Variants in AGBL1 observed in about 807,000 individuals in gnomAD.
AGBL1 encodes the protein AGBL carboxypeptidase 1, also known as cytosolic carboxypeptidase 4.
A neutral mutation model predicts 118.9 loss-of-function variants in AGBL1; 130 were observed. That is an observed-to-expected ratio of 1.09 (90% confidence interval 0.95 to 1.26). AGBL1 has a LOEUF of 1.26. AGBL1 is among the 50% of genes most tolerant of loss of function. The pLI, the probability that AGBL1 is intolerant of heterozygous loss-of-function variation, is 0.00. For missense variants in AGBL1, 1,584 were observed against 1,298.1 expected, an observed-to-expected ratio of 1.22 and a Z score of -3.38; for synonymous variants, 555 against 478.9, an observed-to-expected ratio of 1.16 and a Z score of -2.08.
intron 18 of AGBL1, among the ~76,000 whole-genome samples, chr15:86,480,922 C>T (rs1048813359): frequency 1.3e-4 from 19 of 151,962 alleles, no homozygotes; most frequent in African/African-American, 4.6e-4. Context: ...GATCATCATG[C>T]TAAGAACTTG....
intron 5 of AGBL1, among the ~76,000 whole-genome samples, chr15:86,213,832 A>G (rs561331564): frequency 2.6e-5 from 4 of 152,172 alleles, no homozygotes; most frequent in South Asian, 2.1e-4. Context: ...TACTCACAAT[A>G]TTGTAGAACT....
intron 18 of AGBL1, among the ~76,000 whole-genome samples, chr15:86,447,867 G>T (rs762303206): frequency 6.6e-6 from 1 of 152,204 alleles, no homozygotes; most frequent in African/African-American, 2.4e-5. Context: ...AAACAGGGCC[G>T]GGTGCAGTGG....
At chr15:86,416,020 C>T (rs2081689273) in intron 18 of AGBL1, among the ~76,000 whole-genome samples, 1 of 152,198 alleles carries the variant, frequency 6.6e-6, no homozygotes, top group Admixed American at 6.5e-5. Flanking sequence ...GAGGCTATTA[C>T]TGCATTTTCT....
intron 5 of AGBL1, among the ~76,000 whole-genome samples, chr15:86,191,161 G>A (rs1014875311): frequency 2.7e-5 from 4 of 146,676 alleles, no homozygotes; most frequent in Non-Finnish European, 6.1e-5. Flanking sequence ...CTGGCAACAT[G>A]GTGAAACCCC....
intron 17 of AGBL1, among the ~76,000 whole-genome samples, chr15:86,343,566 A>G (rs1214519603): frequency 6.6e-6 from 1 of 152,208 alleles, no homozygotes; most frequent in Non-Finnish European, 1.5e-5. Flanking sequence ...GCCTCATGGT[A>G]GAGTGGATTC....
At chr15:86,887,161 A>C (rs1255909474) in intron 22 of AGBL1, among the ~76,000 whole-genome samples, 2 of 152,220 alleles carry the variant, frequency 1.3e-5, no homozygotes, top group Non-Finnish European at 2.9e-5. Flanking sequence ...AATAAGGTAC[A>C]TATATGTAAA....
intron 21 of AGBL1, among the ~76,000 whole-genome samples, chr15:86,661,041 C>G (rs1343969126): frequency 1.3e-5 from 2 of 152,158 alleles, no homozygotes; most frequent in Non-Finnish European, 2.9e-5. Context: ...TGTTGCTACA[C>G]CTGCTTAGCT....
At chr15:86,787,245 T>C (rs2078426009) in intron 22 of AGBL1, among the ~76,000 whole-genome samples, 1 of 152,170 alleles carries the variant, frequency 6.6e-6, no homozygotes, top group African/African-American at 2.4e-5. Flanking sequence ...TTTTTATGTG[T>C]ATATGTGTGG....
At chr15:86,762,097 C>G (rs750510400) in intron 22 of AGBL1, among the ~76,000 whole-genome samples, 2 of 151,986 alleles carry the variant, frequency 1.3e-5, no homozygotes, top group Non-Finnish European at 2.9e-5. Flanking sequence ...AAGCCATTAT[C>G]CTCAGCAAAC....
At chr15:86,558,209 A>T (rs1205940586) in intron 21 of AGBL1, among the ~76,000 whole-genome samples, 1 of 152,166 alleles carries the variant, frequency 6.6e-6, no homozygotes, top group Non-Finnish European at 1.5e-5. Flanking sequence ...TCCACCCTCG[A>T]GATCCCTCCT....
At chr15:86,230,810 G>A (rs2078443290) in intron 6 of AGBL1, among the ~76,000 whole-genome samples, 2 of 152,192 alleles carry the variant, frequency 1.3e-5, no homozygotes, top group African/African-American at 4.8e-5. Flanking sequence ...TGGTTGAATT[G>A]AGGTAATTGA....
chr15:86,365,001 A>ATATT (rs1555472719), intron 17 of AGBL1, among the ~76,000 whole-genome samples: 1 of 131,972 alleles, frequency 7.6e-6, no homozygotes, highest in Non-Finnish European at 1.6e-5. Flanking sequence ...ACACACACAT[A>ATATT]TATATATACA....
At chr15:86,215,590 G>C (rs1168105955) in intron 5 of AGBL1, among the ~76,000 whole-genome samples, 1 of 152,130 alleles carries the variant, frequency 6.6e-6, no homozygotes, top group East Asian at 1.9e-4. Context: ...CAGTGAGACA[G>C]ATGCCCAGTG....
intron 17 of AGBL1, among the ~76,000 whole-genome samples, chr15:86,343,082 T>A (rs1378033709): frequency 6.6e-6 from 1 of 152,174 alleles, no homozygotes; most frequent in Non-Finnish European, 1.5e-5. Flanking sequence ...TTTTTACATT[T>A]TTCTTGATGT....
chr15:86,880,639 A>G (rs1567221432), intron 22 of AGBL1, among the ~76,000 whole-genome samples: 1 of 152,048 alleles, frequency 6.6e-6, no homozygotes, highest in Non-Finnish European at 1.5e-5. Flanking sequence ...AATTGTGTGC[A>G]TGTGTGTATG....
rs546386257 is a variant in AGBL1 at position 86,499,997 on chromosome 15, T to C, written c.2556-22813T>C. The stretch of plus-strand genomic sequence containing the variant: ...TTACAGGTGTGACTCTCTTGGTTAC[T>C]GAAAGAGCTTGTCAGTTGCCAATCT... On this transcript the variant is annotated intron_variant, in intron 18 of 22. Transcript: ENST00000614907. Among the ~76,000 whole-genome samples the C allele has an allele frequency of 4.6e-5, 7 of 152,028 alleles. No individual in the cohort carries two copies. The East Asian group carries it at 1.2e-3, about 25-fold the overall frequency.
At position 86,744,165 on chromosome 15, in the gene AGBL1, G is replaced by A. The variant is rs376594638; in HGVS notation, c.3158+69729G>A. On this transcript the variant is annotated intron_variant, in intron 22 of 22. Coordinates refer to ENST00000614907, the MANE Select transcript of AGBL1 (RefSeq NM_001386094.1). ...AACACAAACATTTCCAATGACTAAC[G>A]GTTTCCTGCCACCTTAGTTAAGGCA... Among the ~76,000 whole-genome samples the A allele has an allele frequency of 2.8e-4, 43 of 152,140 alleles. 1 individual carries two copies. In the East Asian group the frequency reaches 6.8e-3, roughly 24 times the overall value.
Position 86,269,904 on chromosome 15 carries a change from G to T in AGBL1, c.1839-15G>T. On this transcript the variant is annotated splice_polypyrimidine_tract_variant and intron_variant, in intron 13 of 22. Transcript: ENST00000614907. ...ACTTTCCAGATAACCCTCCAGTCTT[G>T]CTTCTGATCTGCAGGTTCGAGTATG... is the stretch of plus-strand genomic sequence containing the variant. 6.2e-7 allele frequency: 1 copy of T among 1,612,606 alleles called. No homozygotes were observed. The highest frequency in any genetic ancestry group is 8.5e-7 in the Non-Finnish European group (1 of 1,179,086).
intron 19 of AGBL1, among the ~76,000 whole-genome samples, chr15:86,529,672 T>A (rs1480612402): frequency 2.0e-5 from 3 of 147,264 alleles, no homozygotes; most frequent in Admixed American, 6.7e-5. Context: ...TCACCAAAGT[T>A]GAAATGAAGG....
Sources: gnomAD v4.1 joint callset for allele counts (sites outside exome capture counted in the v4.1 genomes callset) on GRCh38, gnomAD v4.1.1 for gene constraint, MANE v1.5 for transcripts, NCBI Gene and HGNC (gene_info 2026-07-23, HGNC 2026-07-21) for gene names.